The following ZNF703 variants were observed in gnomAD, a reference collection of about 807,000 sequenced individuals.
The protein encoded by ZNF703 is NocA-like zinc finger 1.
A neutral mutation model predicts 30.7 loss-of-function variants in ZNF703; 18 were observed. That is an observed-to-expected ratio of 0.59 (90% CI 0.40 to 0.87). The LOEUF is 0.87. Among genes scored for constraint, ZNF703 ranks in the 40% least tolerant of loss-of-function variants. The probability of loss-of-function intolerance (pLI) is 0.00; values close to 1 mark genes in which losing one functional copy is unlikely to be tolerated. For synonymous variants in ZNF703, 457 were observed against 438.6 expected (o/e 1.04, Z -0.52); for missense variants, 814 against 847.8 (o/e 0.96, Z 0.50).
At position 37,699,441 on chromosome 8, in the gene ZNF703, C is replaced by T. The variant is rs1367155841; in HGVS notation, c.*767C>T. On this transcript the variant is annotated 3_prime_UTR_variant, in exon 2 of 2. Transcript: ENST00000331569. ...TTGCTCCTCTACCTTGCTCTGAGCA[C>T]GGAGAGCCCTGACCCCACCAGTAGG... is the stretch of plus-strand genomic sequence containing the variant. The T allele has an allele frequency of 6.6e-6, 1 of 152,228 alleles. No individual in the cohort carries two copies. Among genetic ancestry groups the T allele is most frequent in the Admixed American group, 6.5e-5 (1 of 15,280 alleles). The allele number at this position is 152,228 out of a possible 1,614,324, so 9.4% of individuals were successfully genotyped here.
In ZNF703 at chr8:37,695,944, C is replaced by A. The variant is rs1802059418; in HGVS notation, c.-36C>A. ...AGCTCGCCTCCCCGGTGCTCCCCCG[C>A]CCTCCCCGCCCCCCCAGCGGCGCTG... On this transcript the variant is annotated 5_prime_UTR_variant, in exon 1 of 2. Coordinates refer to ENST00000331569, the MANE Select transcript of ZNF703 (RefSeq NM_025069.3). 1 of 1,444,560 alleles carries A rather than the reference C, an allele frequency of 6.9e-7. No homozygotes were observed. Among genetic ancestry groups the A allele is most frequent in the Non-Finnish European group, 9.2e-7 (1 of 1,092,340 alleles). The allele number at this position is 1,444,560 out of a possible 1,614,324, so 89.5% of individuals were successfully genotyped here.
rs2128904890 is a variant in ZNF703, at chr8:37,698,070, A to T, written c.1169A>T (p.His390Leu). The T allele has an allele frequency of 6.5e-7, 1 of 1,546,634 alleles. No homozygotes were observed. The highest frequency in any genetic ancestry group is 2.4e-5 in the East Asian group (1 of 41,592). The change falls in exon 2 of 2, where the codon CAC (histidine) becomes CTC (leucine). Residue 390 changes from histidine to leucine, a missense_variant. Transcript: ENST00000331569. Reference sequence around the variant, plus strand: ...TTGGGAGGTTACCACGGCGCCTCGCACCTCGGCGGCTCCAGCTGCTCCACC... The same window carrying T: ...TTGGGAGGTTACCACGGCGCCTCGCTCCTCGGCGGCTCCAGCTGCTCCACC... ...YCLGGYHGASHLGGSSCSTCS... is the reference protein window; with the variant it reads ...YCLGGYHGASLLGGSSCSTCS...
chr8:37,697,073 G>T, intron 1 of ZNF703, 72 bp from the exon 2 acceptor site: 1 of 1,402,282 alleles, frequency 7.1e-7, no homozygotes, highest in Admixed American at 3.1e-5. Context: ...CCAGCTCCCC[G>T]GGCGCCCCCG....
In ZNF703 at chr8:37,696,722, G is replaced by T. The variant is rs1053615751; in HGVS notation, c.244-423G>T. Among the ~76,000 whole-genome samples, 3 of 152,092 alleles carry T rather than the reference G, an allele frequency of 2.0e-5. No individual in the cohort carries two copies. The highest frequency in any genetic ancestry group is 7.2e-5 in the African/African-American group (3 of 41,424). The stretch of plus-strand genomic sequence containing the variant: ...GGGAGGGAGGGGCTACGGAGAGAGC[G>T]CCAACTGCAGCCCCTCCTTTAGAAT... On this transcript the variant is annotated intron_variant, in intron 1 of 1. Coordinates refer to ENST00000331569, the MANE Select transcript of ZNF703 (RefSeq NM_025069.3). The surrounding 1 kb of genome is among the most constrained non-coding windows in gnomAD (Gnocchi z 8.2).
At position 37,697,551 on chromosome 8, in the gene ZNF703, C is replaced by T. The variant is rs1293723436; in HGVS notation, c.650C>T (p.Ser217Leu). 7 of 1,466,178 alleles carry T rather than the reference C, an allele frequency of 4.8e-6. No individual in the cohort carries two copies. In the East Asian group the frequency reaches 1.1e-4, roughly 23 times the overall value. The allele number at this position is 1,466,178 out of a possible 1,614,324, so 90.8% of individuals were successfully genotyped here. A position where few individuals can be genotyped will look rare whatever the true frequency, so the allele number is the denominator to read the frequency against. The change falls in exon 2 of 2, where the codon TCG (serine) becomes TTG (leucine). Residue 217 changes from serine to leucine, a missense_variant. By Grantham distance (145) the Ser-to-Leu change is moderately radical (BLOSUM62 -2). Coordinates refer to ENST00000331569, the MANE Select transcript of ZNF703 (RefSeq NM_025069.3). ...APVSASSSSS[S>L]PGGSRGGSPH... ...GTCTCCGCATCCTCGTCCTCGTCGTCGCCCGGCGGCTCCCGCGGCGGCTCC... is the reference window on the plus strand; with the variant it reads ...GTCTCCGCATCCTCGTCCTCGTCGTTGCCCGGCGGCTCCCGCGGCGGCTCC...
At position 37,698,154 on chromosome 8, in the gene ZNF703, A is replaced by G; in HGVS notation, c.1253A>G (p.Tyr418Cys). 2 of 1,508,364 alleles carry G rather than the reference A, an allele frequency of 1.3e-6. No individual in the cohort carries two copies. The highest frequency in any genetic ancestry group is 2.5e-5 in the South Asian group (2 of 80,986). 93.4% of individuals were successfully genotyped at this position (1,508,364 alleles called of 1,614,324 possible). The change falls in exon 2 of 2, where the codon TAC becomes TGC. Residue 418 changes from tyrosine (Y) to cysteine (C), a missense_variant. Transcript: ENST00000331569. ...AAGGCGGGGGGCTACCCGCTGGTGTACCCCGGGCACCCGCTGCAGCCCGCC... is the reference window on the plus strand; with the variant it reads ...AAGGCGGGGGGCTACCCGCTGGTGTGCCCCGGGCACCCGCTGCAGCCCGCC... ...SLKAGGYPLV[Y>C]PGHPLQPAAL...
chr8:37,699,471 C>A lies in ZNF703; in HGVS notation c.*797C>A, dbSNP rs1161540457. 1 of 152,322 alleles carries A rather than the reference C, an allele frequency of 6.6e-6. No individual in the cohort carries two copies. Among genetic ancestry groups the A allele is most frequent in the Non-Finnish European group, 1.5e-5 (1 of 68,166 alleles). 9.4% of individuals were successfully genotyped at this position (152,322 alleles called of 1,614,324 possible). On this transcript the variant is annotated 3_prime_UTR_variant, in exon 2 of 2. Coordinates refer to ENST00000331569, the MANE Select transcript of ZNF703 (RefSeq NM_025069.3). ...AGCCCTGACCCCACCAGTAGGCTCG[C>A]CCCCAGAAGGGCCCAAGTGGCCGTC...
Position 37,697,251 on chromosome 8 carries a change from C to T in ZNF703, c.350C>T (p.Ala117Val). 6.3e-7 allele frequency: 1 copy of T among 1,587,704 alleles called. No homozygotes were observed. The highest frequency in any genetic ancestry group is 8.5e-7 in the Non-Finnish European group (1 of 1,169,854). The change falls in exon 2 of 2, where the codon GCC becomes GTC. Residue 117 changes from alanine (A) to valine (V), a missense_variant. Coordinates refer to ENST00000331569, the MANE Select transcript of ZNF703 (RefSeq NM_025069.3). ...SSKLNSVAAAANGLGAEKDPG... is the reference protein window; with the variant it reads ...SSKLNSVAAAVNGLGAEKDPG... ...AAACTCAACTCGGTGGCGGCGGCGG[C>T]CAACGGGCTGGGAGCGGAGAAGGAC... is the stretch of plus-strand genomic sequence containing the variant.
chr8:37,698,457 A>T lies in ZNF703; in HGVS notation c.1556A>T (p.His519Leu), dbSNP rs776775335. ...GCCGCCGCCGCCTCCTGCCATCTGC[A>T]CCTCCCCCCGCCCGCCGCCCCCGGC... ...AAAAAASCHLHLPPPAAPGSP... is the reference protein window; with the variant it reads ...AAAAAASCHLLLPPPAAPGSP... Residue 519 changes from histidine (H) to leucine (L), a missense_variant, in exon 2 of 2, where the codon CAC becomes CTC. By Grantham distance (99) the His-to-Leu change is moderately conservative. Transcript: ENST00000331569. The T allele has an allele frequency of 6.7e-7, 1 of 1,490,490 alleles. No individual in the cohort carries two copies. The highest frequency in any genetic ancestry group is 2.9e-5 in the East Asian group (1 of 34,416). The allele number at this position is 1,490,490 out of a possible 1,614,324, so 92.3% of individuals were successfully genotyped here.
rs1443176998 is a variant in ZNF703 at position 37,697,813 on chromosome 8, G to C, written c.912G>C (p.Ser304=). The change falls in exon 2 of 2, where the codon TCG becomes TCC. Residue 304 remains serine (S), a synonymous_variant. Coordinates refer to ENST00000331569, the MANE Select transcript of ZNF703 (RefSeq NM_025069.3). ...APVSPYKPGH[S]VFPLPPSSIG... ...TGTCTCCCTACAAGCCGGGCCACTCGGTGTTCCCGCTGCCGCCCTCCAGCA... is the reference window on the plus strand; with the variant it reads ...TGTCTCCCTACAAGCCGGGCCACTCCGTGTTCCCGCTGCCGCCCTCCAGCA... The C allele has an allele frequency of 6.5e-7, 1 of 1,532,122 alleles. No homozygotes were observed. The highest frequency in any genetic ancestry group is 2.0e-5 in the Admixed American group (1 of 50,780). The allele number at this position is 1,532,122 out of a possible 1,614,324, so 94.9% of individuals were successfully genotyped here. A position where few individuals can be genotyped will look rare whatever the true frequency, so the allele number is the denominator to read the frequency against.
At position 37,696,998 on chromosome 8, in the gene ZNF703, C is replaced by CGCCCG. The variant is rs1369931372; in HGVS notation, c.244-137_244-133dup. 9.9e-7 allele frequency: 1 copy of CGCCCG among 1,009,822 alleles called. No homozygotes were observed. Among genetic ancestry groups the CGCCCG allele is most frequent in the South Asian group, 4.8e-5 (1 of 20,638 alleles). 62.6% of individuals were successfully genotyped at this position (1,009,822 alleles called of 1,614,324 possible). On this transcript the variant is annotated intron_variant, in intron 1 of 1. Coordinates refer to ENST00000331569, the MANE Select transcript of ZNF703 (RefSeq NM_025069.3). This position sits in a 1 kb window ranked among gnomAD's most constrained non-coding sequence, Gnocchi z 8.2. ...GTGGGCGCAGTTCCGCCAGCTGCCG[C>CGCCCG]GCCCGGCCCGGCCCTCGCTCGCAGA...
Position 37,697,239 on chromosome 8 carries a change from T to TGGC in ZNF703, c.348_350dup (p.Ala117dup). 1.3e-6 allele frequency: 2 copies of TGGC among 1,594,650 alleles called. No individual in the cohort carries two copies. The highest frequency in any genetic ancestry group is 2.7e-5 in the African/African-American group (2 of 73,196). ...CCGCCCTCCTCCAAACTCAACTCGG[T>TGGC]GGCGGCGGCGGCCAACGGGCTGGGA... On this transcript the variant is annotated inframe_insertion, in exon 2 of 2. Transcript: ENST00000331569.
chr8:37,699,023 G>A lies in ZNF703; in HGVS notation c.*349G>A, dbSNP rs1387846455. On this transcript the variant is annotated 3_prime_UTR_variant, in exon 2 of 2. Transcript: ENST00000331569. ...TTTTTATTCCTTTTCCTCTTTTTTTGGTTTTGATTGGTTTGGTTTGAGGGA... is the reference window on the plus strand; with the variant it reads ...TTTTTATTCCTTTTCCTCTTTTTTTAGTTTTGATTGGTTTGGTTTGAGGGA... The A allele has an allele frequency of 5.3e-6, 1 of 189,012 alleles. No homozygotes were observed. The highest frequency in any genetic ancestry group is 1.3e-4 in the East Asian group (1 of 7,716). The allele number at this position is 189,012 out of a possible 1,614,324, so 11.7% of individuals were successfully genotyped here. A position where few individuals can be genotyped will look rare whatever the true frequency, so the allele number is the denominator to read the frequency against.
In ZNF703 at chr8:37,696,159, C is replaced by A. The variant is rs1180117418; in HGVS notation, c.180C>A (p.Thr60=). 2 of 1,612,154 alleles carry A rather than the reference C, an allele frequency of 1.2e-6. No homozygotes were observed. The highest frequency in any genetic ancestry group is 2.2e-5 in the South Asian group (2 of 90,942). Residue 60 remains threonine, a synonymous_variant, in exon 1 of 2, where the codon ACC becomes ACA. Transcript: ENST00000331569. The surrounding 1 kb of genome is among the most constrained non-coding windows in gnomAD (Gnocchi z 8.2). ...TCCTGAAGATGCTGAGCGCTCACAC[C>A]GGTCACCTCCTGCACCCGGAGTACC... The part of the protein sequence containing the change: ...IRVLKMLSAH[T]GHLLHPEYLQ...
rs1202261384 is a variant in ZNF703, at chr8:37,696,381, C to T, written c.243+159C>T. On this transcript the variant is annotated intron_variant, in intron 1 of 1. Coordinates refer to ENST00000331569, the MANE Select transcript of ZNF703 (RefSeq NM_025069.3). This position sits in a 1 kb window ranked among gnomAD's most constrained non-coding sequence, Gnocchi z 8.2. ...GGGGAAGAAAACCGAGGGATCAGAG[C>T]CCACCAGGGCTTCCCCAGGCTTCCC... Among the ~76,000 whole-genome samples, 1 of 152,030 alleles carries T rather than the reference C, an allele frequency of 6.6e-6. No individual in the cohort carries two copies.
In ZNF703 at chr8:37,697,860, T is replaced by C; in HGVS notation, c.959T>C (p.Val320Ala). Residue 320 changes from valine to alanine, a missense_variant, in exon 2 of 2, where the codon GTG (valine) becomes GCG (alanine). Transcript: ENST00000331569. ...AGCATTGGCTACCACGGCTCCATCG[T>C]GGGCGCCTACGCCGGCTACCCGTCT... The part of the protein sequence containing the change: ...PSSIGYHGSI[V>A]GAYAGYPSQF... 1 of 1,545,108 alleles carries C rather than the reference T, an allele frequency of 6.5e-7. No individual in the cohort carries two copies. Among genetic ancestry groups the C allele is most frequent in the South Asian group, 1.2e-5 (1 of 84,662 alleles).
At position 37,698,808 on chromosome 8, in the gene ZNF703, C is replaced by A. The variant is rs927400221; in HGVS notation, c.*134C>A. ...GATTCCCCACCCAGCCCTTCCCCAC[C>A]GGACTGTGTATTTATTTACTATAAT... On this transcript the variant is annotated 3_prime_UTR_variant, in exon 2 of 2. Transcript: ENST00000331569. 3.3e-5 allele frequency: 23 copies of A among 693,092 alleles called. No homozygotes were observed. The highest frequency in any genetic ancestry group is 4.2e-6 in the Non-Finnish European group (2 of 478,398). 42.9% of individuals were successfully genotyped at this position (693,092 alleles called of 1,614,324 possible).
Position 37,698,209 on chromosome 8 carries a change from G to C in ZNF703, c.1308G>C (p.Ala436=), listed in dbSNP as rs569464701. 3.3e-6 allele frequency: 5 copies of C among 1,520,050 alleles called. No individual in the cohort carries two copies. The highest frequency in any genetic ancestry group is 1.2e-5 in the South Asian group (1 of 82,224). 94.2% of individuals were successfully genotyped at this position (1,520,050 alleles called of 1,614,324 possible). Reference sequence around the variant, plus strand: ...TCTCGTCCAGCGCCGCCCAGGCCGCGCTCCCCGGCCACCCGCTCTACACCT... The same window carrying C: ...TCTCGTCCAGCGCCGCCCAGGCCGCCCTCCCCGGCCACCCGCTCTACACCT... The part of the protein sequence containing the change: ...AALSSSAAQA[A]LPGHPLYTYG... The change falls in exon 2 of 2, where the codon GCG becomes GCC. Residue 436 remains alanine, a synonymous_variant. Transcript: ENST00000331569.
Position 37,697,653 on chromosome 8 carries a change from C to T in ZNF703, c.752C>T (p.Pro251Leu), listed in dbSNP as rs1802094883. 1 of 1,357,404 alleles carries T rather than the reference C, an allele frequency of 7.4e-7. No individual in the cohort carries two copies. Among genetic ancestry groups the T allele is most frequent in the South Asian group, 1.9e-5 (1 of 53,834 alleles). 84.1% of individuals were successfully genotyped at this position (1,357,404 alleles called of 1,614,324 possible). Reference protein sequence around the residue: ...ELDKKDQEPKPSPEPAAVSRG... With the variant: ...ELDKKDQEPKLSPEPAAVSRG... ...GACAAGAAAGACCAGGAGCCCAAGC[C>T]CAGCCCGGAGCCGGCAGCCGTGAGC... The change falls in exon 2 of 2, where the codon CCC becomes CTC. Residue 251 changes from proline (P) to leucine (L), a missense_variant. Pro to Leu is a moderately conservative substitution (Grantham distance 98, BLOSUM62 -3). Transcript: ENST00000331569.
Sources: allele counts gnomAD v4.1 joint callset (sites outside exome capture counted in the v4.1 genomes callset), GRCh38; gene constraint gnomAD v4.1.1; non-coding constraint Gnocchi (gnomAD v3.1); transcripts MANE v1.5; gene names NCBI Gene and HGNC (gene_info 2026-07-23, HGNC 2026-07-21).